The following SGIP1 variants were observed in gnomAD, a reference collection of about 807,000 sequenced individuals.
SGIP1 encodes SH3-containing GRB2-like protein 3-interacting protein 1.
Under a neutral mutation model 107.5 loss-of-function variants are expected in SGIP1, and 38 were observed. The observed-to-expected ratio is 0.35, with a 90% CI of 0.27 to 0.46. The LOEUF (loss-of-function observed/expected upper bound fraction) is 0.46, where lower values mean the gene tolerates loss of function less well. SGIP1 is among the 20% of genes least tolerant of loss of function. The pLI is 1.00. For missense variants in SGIP1, 929 were observed against 1,019.5 expected (o/e 0.91, Z 1.21); for synonymous variants, 365 against 366.1 (o/e 1.00, Z 0.03).
At chr1:66,611,820 G>T (rs1171256997) in intron 1 of SGIP1, among the ~76,000 whole-genome samples, 1 of 152,176 alleles carries the variant, frequency 6.6e-6, no homozygotes, top group East Asian at 1.9e-4. Context: ...TACTTGGAGA[G>T]GGAACGCTGG....
chr1:66,694,419 T>C (rs2090460417), intron 17 of SGIP1: 2 of 1,603,580 alleles, frequency 1.2e-6, no homozygotes, highest in East Asian at 4.5e-5. Context: ...TCCATTCGTT[T>C]ATGTTTCTTT....
intron 6 of SGIP1, 115 bp downstream of exon 6, chr1:66,642,979 C>A: frequency 1.2e-6 from 1 of 849,060 alleles, no homozygotes. Flanking sequence ...TCCTGTTATC[C>A]CTAATATTAG....
intron 18 of SGIP1, among the ~76,000 whole-genome samples, chr1:66,708,934 T>C (rs1268676552): frequency 6.6e-6 from 1 of 152,168 alleles, no homozygotes; most frequent in Non-Finnish European, 1.5e-5. Context: ...TTCTTATTTA[T>C]TTATGTATTT....
intron 1 of SGIP1, among the ~76,000 whole-genome samples, chr1:66,574,967 T>C (rs2060868461): frequency 6.6e-6 from 1 of 152,224 alleles, no homozygotes; most frequent in Admixed American, 6.5e-5. Flanking sequence ...TAAATGTTCT[T>C]CCATTCCAAA....
In SGIP1 at chr1:66,599,427, C is replaced by T. The variant is rs990230501; in HGVS notation, c.11-26420C>T. Among the ~76,000 whole-genome samples the T allele has an allele frequency of 6.6e-5, 10 of 152,192 alleles. No individual in the cohort carries two copies. In the South Asian group the frequency reaches 1.7e-3, roughly 25 times the overall value. On this transcript the variant is annotated intron_variant, in intron 1 of 24. Transcript: ENST00000371037. ...TGGTAGGTGACTGGGGCTACAGGGG[C>T]TAAGTGACATGCCTAAAAATTCACA...
At chr1:66,627,330 A>C (rs2073091976) in intron 2 of SGIP1, among the ~76,000 whole-genome samples, 1 of 152,162 alleles carries the variant, frequency 6.6e-6, no homozygotes, top group African/African-American at 2.4e-5. Flanking sequence ...CAACAAAAGC[A>C]AAAGTGGAAA....
chr1:66,622,435 C>A (rs542210083), intron 1 of SGIP1, among the ~76,000 whole-genome samples: 1 of 152,174 alleles, frequency 6.6e-6, no homozygotes, highest in African/African-American at 2.4e-5. Flanking sequence ...TCACTATCAT[C>A]GATTTCCACA....
chr1:66,590,226 C>A (rs1196442187), intron 1 of SGIP1, among the ~76,000 whole-genome samples: 1 of 152,182 alleles, frequency 6.6e-6, no homozygotes, highest in Admixed American at 6.5e-5. Context: ...CAAGCAAATG[C>A]ATACATGGCC....
At chr1:66,693,515 T>C (rs976795278) in intron 17 of SGIP1, among the ~76,000 whole-genome samples, 6 of 152,348 alleles carry the variant, frequency 3.9e-5, no homozygotes, top group Non-Finnish European at 5.9e-5. Flanking sequence ...AGGAACATTA[T>C]TATTTGTGGA....
rs770953083 is a variant in SGIP1 at position 66,656,081 on chromosome 1, T to C, written c.460-4432T>C. ...TAATAGTTAAATTCTTTATACTCTATTCTACAAGCTTTTTTCTATTAAAAA... is the reference window on the plus strand; with the variant it reads ...TAATAGTTAAATTCTTTATACTCTACTCTACAAGCTTTTTTCTATTAAAAA... On this transcript the variant is annotated intron_variant, in intron 7 of 24. Transcript: ENST00000371037. Among the ~76,000 whole-genome samples, 14 of 152,214 alleles carry C rather than the reference T, an allele frequency of 9.2e-5. 1 individual carries two copies. The highest frequency in any genetic ancestry group is 1.3e-4 in the Admixed American group (2 of 15,286).
At position 66,749,696 on chromosome 1, in the gene SGIP1, A is replaced by G. The variant is rs965365826; in HGVS notation, c.*6601A>G. Among the ~76,000 whole-genome samples the G allele has an allele frequency of 3.3e-5, 5 of 152,120 alleles. No individual in the cohort carries two copies. The highest frequency in any genetic ancestry group is 1.2e-4 in the African/African-American group (5 of 41,452). ...TTTAAACGTTCCATTGAATGAGTAT[A>G]TCATACAAATGTTAATTCCATCTCG... On this transcript the variant is annotated 3_prime_UTR_variant, in exon 25 of 25. Transcript: ENST00000371037.
intron 7 of SGIP1, among the ~76,000 whole-genome samples, chr1:66,646,060 C>T (rs555178482): frequency 1.8e-4 from 27 of 152,222 alleles, no homozygotes; most frequent in African/African-American, 5.3e-4. Flanking sequence ...AGGCTGGTCT[C>T]GAATTGCTGA....
chr1:66,698,867 G>A (rs1293730163), intron 18 of SGIP1, among the ~76,000 whole-genome samples: 1 of 151,196 alleles, frequency 6.6e-6, no homozygotes, highest in Non-Finnish European at 1.5e-5. Context: ...ACTTCTCCTT[G>A]GTTAGCTTTT....
At chr1:66,660,366 A>AC (rs2081221272) in intron 7 of SGIP1, 147 bp from the exon 8 acceptor site, 1 of 719,616 alleles carries the variant, frequency 1.4e-6, no homozygotes, top group Non-Finnish European at 2.5e-6. Flanking sequence ...ACCATATCAG[A>AC]CCCCCACAGG....
intron 15 of SGIP1, chr1:66,684,291 T>C (rs2087644235): frequency 1.3e-6 from 2 of 1,491,930 alleles, no homozygotes; most frequent in African/African-American, 1.4e-5. Context: ...CTGACACCCA[T>C]CTACACTGCA....
intron 7 of SGIP1, among the ~76,000 whole-genome samples, chr1:66,656,260 T>C (rs1454427420): frequency 2.6e-5 from 4 of 152,192 alleles, no homozygotes; most frequent in Non-Finnish European, 5.9e-5. Context: ...ATAACACACA[T>C]GGAGCTGTCA....
At chr1:66,718,229 G>A (rs1462706480) in intron 18 of SGIP1, among the ~76,000 whole-genome samples, 1 of 152,080 alleles carries the variant, frequency 6.6e-6, no homozygotes, top group Admixed American at 6.5e-5. Context: ...GCTGGGAGTG[G>A]GGTAGAGTAA....
intron 18 of SGIP1, among the ~76,000 whole-genome samples, chr1:66,712,017 C>A (rs114664096): frequency 0.02 from 3,028 of 152,200 alleles, 97 homozygotes; most frequent in African/African-American, 0.069. Context: ...CTCTGACACC[C>A]TCCTAGACTC....
At chr1:66,541,989 T>G (rs1043753545) in intron 1 of SGIP1, among the ~76,000 whole-genome samples, 1 of 152,146 alleles carries the variant, frequency 6.6e-6, no homozygotes, top group Non-Finnish European at 1.5e-5. Context: ...TGTCTCTGTG[T>G]GGTAGAAAGA....
Sources: gnomAD v4.1 joint callset for allele counts (sites outside exome capture counted in the v4.1 genomes callset) on GRCh38, gnomAD v4.1.1 for gene constraint, MANE v1.5 for transcripts, NCBI Gene and HGNC (gene_info 2026-07-23, HGNC 2026-07-21) for gene names.